MARCO: variants seen among roughly 807,000 people sequenced by gnomAD.
MARCO encodes the protein macrophage receptor MARCO.
Under a neutral mutation model 70.0 loss-of-function variants are expected in MARCO, and 72 were observed. The observed-to-expected ratio is 1.03, with a 90% CI of 0.85 to 1.25. MARCO has a LOEUF of 1.25. Among genes scored for constraint, MARCO ranks in the 50% most tolerant of loss-of-function variants. The pLI, the probability that MARCO is intolerant of heterozygous loss-of-function variation, is 0.00. For missense variants in MARCO, 696 were observed against 659.3 expected, an observed-to-expected ratio of 1.06 and a Z score of -0.61; for synonymous variants, 273 against 243.1, an observed-to-expected ratio of 1.12 and a Z score of -1.14.
intron 1 of MARCO, among the ~76,000 whole-genome samples, chr2:118,964,272 G>A (rs955395181): frequency 6.6e-6 from 1 of 152,136 alleles, no homozygotes; most frequent in African/African-American, 2.4e-5. Context: ...AAACTCATGA[G>A]GAGAAGGATG....
In MARCO at chr2:118,977,466, C is replaced by G; in HGVS notation, c.614-5C>G. Reference sequence around the variant, plus strand: ...GCAACTGAGCTCTTTTTTCCTTCCTCACAGGCCTCCAAGGACCCCAGGGTG... The same window carrying G: ...GCAACTGAGCTCTTTTTTCCTTCCTGACAGGCCTCCAAGGACCCCAGGGTG... On this transcript the variant is annotated splice_polypyrimidine_tract_variant and splice_region_variant and intron_variant, in intron 6 of 16. Transcript: ENST00000327097. 3 of 1,613,350 alleles carry G rather than the reference C, an allele frequency of 1.9e-6. No individual in the cohort carries two copies. The highest frequency in any genetic ancestry group is 2.5e-6 in the Non-Finnish European group (3 of 1,179,512).
intron 12 of MARCO, among the ~76,000 whole-genome samples, chr2:118,985,845 AT>A (rs1467716858): frequency 1.3e-5 from 2 of 152,166 alleles, no homozygotes; most frequent in African/African-American, 4.8e-5. Flanking sequence ...CTTTATCTCA[AT>A]GGCCTTTATG....
chr2:118,983,956 T>C (rs1333850687), intron 12 of MARCO, among the ~76,000 whole-genome samples: 5 of 152,262 alleles, frequency 3.3e-5, no homozygotes, highest in African/African-American at 1.2e-4. Context: ...GCCCTGCCCT[T>C]TGCATCCTGG....
intron 1 of MARCO, chr2:118,949,409 T>G (rs776147784): frequency 2.6e-5 from 4 of 152,248 alleles, no homozygotes; most frequent in Non-Finnish European, 5.9e-5. Flanking sequence ...TTTCTACTAC[T>G]GAGACCTTGC....
At position 118,977,825 on chromosome 2, in the gene MARCO, C is replaced by T. The variant is rs1436774099; in HGVS notation, c.659-3C>T. ...CCCATCTCACCAGCCATTCTCTTTG[C>T]AGGCACCCCAGGACCCCAAGGAGAG... On this transcript the variant is annotated splice_region_variant and splice_polypyrimidine_tract_variant and intron_variant, in intron 7 of 16. Transcript: ENST00000327097. 1 of 1,608,328 alleles carries T rather than the reference C, an allele frequency of 6.2e-7. No homozygotes were observed. Among genetic ancestry groups the T allele is most frequent in the Non-Finnish European group, 8.5e-7 (1 of 1,176,874 alleles).
At chr2:118,944,104 G>A (rs1011695021) in intron 1 of MARCO, among the ~76,000 whole-genome samples, 1 of 152,138 alleles carries the variant, frequency 6.6e-6, no homozygotes, top group Admixed American at 6.5e-5. Context: ...GTGAACCCTA[G>A]ATTTCTGACC....
intron 2 of MARCO, 69 bp from the exon 3 acceptor site, chr2:118,970,045 G>T: frequency 7.5e-7 from 1 of 1,333,340 alleles, no homozygotes; most frequent in South Asian, 1.2e-5. Flanking sequence ...ATGCACACAT[G>T]ACACAAGAAT....
rs558423335 is a variant in MARCO, at chr2:118,973,789, G to A, written c.461-544G>A. ...GCCAAGCTTCAGGGAAGGGGATTGC[G>A]AAACCCACTTGCCTCTCTGTTTCTC... On this transcript the variant is annotated intron_variant, in intron 4 of 16. Coordinates refer to ENST00000327097, the MANE Select transcript of MARCO (RefSeq NM_006770.4). Among the ~76,000 whole-genome samples, 20 of 152,284 alleles carry A rather than the reference G, an allele frequency of 1.3e-4. No individual in the cohort carries two copies. In the South Asian group the frequency reaches 2.5e-3, roughly 19 times the overall value.
rs758029566 is a variant in MARCO at position 118,974,400 on chromosome 2, G to GAAGGGAGCC, written c.534_542dup (p.Lys180_Ala182dup). 6.2e-7 allele frequency: 1 copy of GAAGGGAGCC among 1,612,786 alleles called. No individual in the cohort carries two copies. Among genetic ancestry groups the GAAGGGAGCC allele is most frequent in the Non-Finnish European group, 8.5e-7 (1 of 1,179,582 alleles). Reference sequence around the variant, plus strand: ...CTGGCCCGCCGGGACCACCTGCTGAGAAGGGAGCCAAGGGGGCTATGGGAC... The same window carrying GAAGGGAGCC: ...CTGGCCCGCCGGGACCACCTGCTGAGAAGGGAGCCAAGGGAGCCAAGGGGGCTATGGGAC... On this transcript the variant is annotated inframe_insertion, in exon 5 of 17. Coordinates refer to ENST00000327097, the MANE Select transcript of MARCO (RefSeq NM_006770.4).
At chr2:118,968,186 T>A (rs150851584) in intron 1 of MARCO, among the ~76,000 whole-genome samples, 1 of 152,314 alleles carries the variant, frequency 6.6e-6, no homozygotes, top group East Asian at 1.9e-4. Flanking sequence ...GGCCCTCCCT[T>A]TAATACCCCT....
intron 1 of MARCO, among the ~76,000 whole-genome samples, chr2:118,958,520 T>C (rs1679880729): frequency 6.6e-6 from 1 of 151,640 alleles, no homozygotes; most frequent in African/African-American, 2.4e-5. Flanking sequence ...CACAAACAAA[T>C]GGAAACACAT....
intron 1 of MARCO, among the ~76,000 whole-genome samples, chr2:118,965,794 T>G (rs1680033414): frequency 1.3e-5 from 2 of 152,232 alleles, no homozygotes; most frequent in African/African-American, 2.4e-5. Context: ...TCCACGTTAT[T>G]TTGATCCACT....
intron 2 of MARCO, among the ~76,000 whole-genome samples, chr2:118,969,840 A>G (rs1680127326): frequency 6.6e-6 from 1 of 152,220 alleles, no homozygotes; most frequent in African/African-American, 2.4e-5. Context: ...GAAGGTCTTA[A>G]CTGCCTGAAG....
At chr2:118,981,207 T>C (rs1374179893) in intron 8 of MARCO, among the ~76,000 whole-genome samples, 1 of 151,950 alleles carries the variant, frequency 6.6e-6, no homozygotes, top group Non-Finnish European at 1.5e-5. Flanking sequence ...CTCACCAAAT[T>C]TTCATGAGTT....
chr2:118,953,329 T>C (rs560979783), intron 1 of MARCO, among the ~76,000 whole-genome samples: 2 of 152,302 alleles, frequency 1.3e-5, no homozygotes, highest in South Asian at 2.1e-4. Flanking sequence ...AAAGAAACCA[T>C]CATTTCCAAC....
intron 1 of MARCO, among the ~76,000 whole-genome samples, chr2:118,960,714 T>C (rs1385843510): frequency 6.6e-6 from 1 of 152,168 alleles, no homozygotes; most frequent in African/African-American, 2.4e-5. Flanking sequence ...CTAACTTTTT[T>C]ATGCAAGTTT....
intron 12 of MARCO, among the ~76,000 whole-genome samples, chr2:118,987,969 C>T (rs1680547715): frequency 6.6e-6 from 1 of 152,216 alleles, no homozygotes; most frequent in African/African-American, 2.4e-5. Flanking sequence ...CTTCAGGGAA[C>T]ATTGGGAGGC....
intron 1 of MARCO, among the ~76,000 whole-genome samples, chr2:118,967,178 G>A (rs1680067935): frequency 6.6e-6 from 1 of 152,352 alleles, no homozygotes; most frequent in Middle Eastern, 3.4e-3. Flanking sequence ...GAGAGCCAAG[G>A]GGGGTTCCAC....
chr2:118,986,267 CAGGTTGCATCTAGCCTCCA>C, intron 12 of MARCO, among the ~76,000 whole-genome samples: 1 of 152,190 alleles, frequency 6.6e-6, no homozygotes, highest in South Asian at 2.1e-4. Flanking sequence ...CTAAATTTGC[CAGGTTGCATCTAGCCTCCA>C]AGTTGGCATG....
Sources: gnomAD v4.1 joint callset for allele counts (sites outside exome capture counted in the v4.1 genomes callset) on GRCh38, gnomAD v4.1.1 for gene constraint, MANE v1.5 for transcripts, NCBI Gene and HGNC (gene_info 2026-07-23, HGNC 2026-07-21) for gene names.